The following SNX29 variants were observed in gnomAD, a reference collection of about 807,000 sequenced individuals.
SNX29 encodes the protein sorting nexin 29.
SNX29 carries 78 observed loss-of-function variants against 102.1 expected under a neutral mutation model. That is an observed-to-expected ratio of 0.76 (90% CI 0.64 to 0.92). The LOEUF (loss-of-function observed/expected upper bound fraction) is 0.92. Ranked by LOEUF, SNX29 falls within the 40% of genes least tolerant of loss-of-function variation. The pLI, the probability that SNX29 is intolerant of heterozygous loss-of-function variation, is 0.00. For missense variants in SNX29, 1,280 were observed against 1,061.7 expected (o/e 1.21, Z -2.86); for synonymous variants, 580 against 414.5 (o/e 1.40, Z -4.85).
At chr16:12,277,902 A>C (rs951195306) in intron 14 of SNX29, 31 bp from the exon 15 acceptor site, 3 of 1,562,624 alleles carry the variant, frequency 1.9e-6, no homozygotes, top group African/African-American at 1.4e-5. Context: ...TACTGTTGAA[A>C]TATTTATGAC....
At position 12,555,485 on chromosome 16, in the gene SNX29, C is replaced by T. The variant is rs117203362; in HGVS notation, c.2319-13021C>T. ...AGTTGACATGTCTGAGGACGTCTTT[C>T]GTTGTGGGGAGTCACGCAGGGATTG... On this transcript the variant is annotated intron_variant, in intron 20 of 20. Transcript: ENST00000566228. Among the ~76,000 whole-genome samples, 103 of 151,180 alleles carry T rather than the reference C, an allele frequency of 6.8e-4. 2 individuals are homozygous for T. In the East Asian group the frequency reaches 7.3e-3, roughly 11 times the overall value.
At chr16:12,476,023 A>C (rs1366197045) in intron 18 of SNX29, among the ~76,000 whole-genome samples, 1 of 152,120 alleles carries the variant, frequency 6.6e-6, no homozygotes, top group South Asian at 2.1e-4. Flanking sequence ...GGGCCAGTCA[A>C]GATATATAGG....
chr16:12,571,032 A>AT lies in SNX29; in HGVS notation c.*2404dup, dbSNP rs2041995573. Reference sequence around the variant, plus strand: ...TCGAGTCATCTCGCAGATCCAGACCATCTCCTCTCATTCTCACTCTAAAAA... The same window carrying AT: ...TCGAGTCATCTCGCAGATCCAGACCATTCTCCTCTCATTCTCACTCTAAAAA... On this transcript the variant is annotated 3_prime_UTR_variant, in exon 21 of 21. Transcript: ENST00000566228. 4.3e-6 allele frequency: 1 copy of AT among 232,212 alleles called. No homozygotes were observed. The highest frequency in any genetic ancestry group is 2.2e-5 in the African/African-American group (1 of 45,258). The allele number at this position is 232,212 out of a possible 1,614,324, so 14.4% of individuals were successfully genotyped here.
intron 14 of SNX29, among the ~76,000 whole-genome samples, chr16:12,238,697 T>A (rs572840397): frequency 2.0e-5 from 3 of 152,144 alleles, no homozygotes; most frequent in Non-Finnish European, 2.9e-5. Flanking sequence ...AATAATAGTG[T>A]TACTGGTTCT....
chr16:12,361,979 G>GTTAATAACGAGCATGCA (rs1202279539), intron 16 of SNX29, among the ~76,000 whole-genome samples: 1 of 147,342 alleles, frequency 6.8e-6, no homozygotes, highest in Non-Finnish European at 1.5e-5. Context: ...ACGAGCACAT[G>GTTAATAACGAGCATGCA]CCTATACATG....
chr16:12,211,556 G>A (rs1011955276), intron 14 of SNX29, among the ~76,000 whole-genome samples: 1 of 152,064 alleles, frequency 6.6e-6, no homozygotes, highest in African/African-American at 2.4e-5. Flanking sequence ...GGACCAATAG[G>A]GGTGTGTGTG....
chr16:12,481,542 ACACACACACACAC>A lies in SNX29; in HGVS notation c.2178+3685_2178+3697del, dbSNP rs2087930119. Reference sequence around the variant, plus strand: ...CACACACACACACACACACACACACACACACACACACACCCCAAATGTCACCCTGTCGCCCAGG... The same window carrying A: ...CACACACACACACACACACACACACACCCAAATGTCACCCTGTCGCCCAGG... On this transcript the variant is annotated intron_variant, in intron 19 of 20. Coordinates refer to ENST00000566228, the MANE Select transcript of SNX29 (RefSeq NM_032167.5). Among the ~76,000 whole-genome samples, 3 of 126,400 alleles carry A rather than the reference ACACACACACACAC, an allele frequency of 2.4e-5. No individual in the cohort carries two copies. The South Asian group carries it at 9.2e-4, about 39-fold the overall frequency. 82.9% of individuals were successfully genotyped at this position (126,400 alleles called of 152,430 possible).
At chr16:12,515,410 A>C (rs11641691) in intron 19 of SNX29, 61,646 of 432,630 alleles carry the variant, frequency 0.14, 4,769 homozygotes, top group Middle Eastern at 0.18. Context: ...GCTGAATGAG[A>C]GGATGAATGA....
chr16:12,521,087 G>A (rs1427332396), intron 19 of SNX29, among the ~76,000 whole-genome samples: 1 of 152,170 alleles, frequency 6.6e-6, no homozygotes, highest in Non-Finnish European at 1.5e-5. Flanking sequence ...GGCTGAGGTA[G>A]GAGGACTGCT....
At chr16:12,182,952 A>G (rs956439131) in intron 13 of SNX29, among the ~76,000 whole-genome samples, 6 of 151,700 alleles carry the variant, frequency 4.0e-5, no homozygotes, top group Admixed American at 3.9e-4. Flanking sequence ...AAAAAAAAAA[A>G]AAAAAGGACA....
intron 20 of SNX29, among the ~76,000 whole-genome samples, chr16:12,535,649 C>T (rs564929999): frequency 1.3e-5 from 2 of 152,144 alleles, no homozygotes; most frequent in South Asian, 2.1e-4. Flanking sequence ...ACAGAGCAGT[C>T]TTGAATATCT....
At chr16:12,466,785 G>A (rs753455653) in intron 18 of SNX29, among the ~76,000 whole-genome samples, 21 of 152,200 alleles carry the variant, frequency 1.4e-4, no homozygotes, top group Non-Finnish European at 3.1e-4. Flanking sequence ...GGCTGCCTGG[G>A]CTCTTGGGTC....
intron 18 of SNX29, among the ~76,000 whole-genome samples, chr16:12,418,304 G>C (rs926099207): frequency 3.3e-5 from 5 of 152,156 alleles, no homozygotes; most frequent in African/African-American, 1.2e-4. Context: ...GATCAGGAGA[G>C]AAAACAGTCT....
intron 18 of SNX29, among the ~76,000 whole-genome samples, chr16:12,403,775 C>G (rs1350556408): frequency 1.3e-5 from 2 of 152,224 alleles, no homozygotes; most frequent in African/African-American, 4.8e-5. Context: ...GGAATCTCAG[C>G]TCAGACTGCA....
chr16:12,046,471 C>G lies in SNX29; in HGVS notation c.499+17C>G. On this transcript the variant is annotated intron_variant, in intron 6 of 20. Transcript: ENST00000566228. ...TGGCAGCAGGTAAGCCTGGCCCAGA[C>G]CAGGGTGCAGGGCCTTGTGACACTT... is the stretch of plus-strand genomic sequence containing the variant. The G allele has an allele frequency of 1.9e-6, 3 of 1,613,518 alleles. No homozygotes were observed. Among genetic ancestry groups the G allele is most frequent in the Non-Finnish European group, 2.5e-6 (3 of 1,179,532 alleles).
intron 11 of SNX29, among the ~76,000 whole-genome samples, chr16:12,092,059 C>T (rs2151408339): frequency 6.6e-6 from 1 of 152,290 alleles, no homozygotes; most frequent in South Asian, 2.1e-4. Flanking sequence ...TCTAGAAGAG[C>T]GCAGCACAGG....
chr16:12,204,585 G>C (rs1017579555), intron 14 of SNX29, among the ~76,000 whole-genome samples: 1 of 152,214 alleles, frequency 6.6e-6, no homozygotes, highest in South Asian at 2.1e-4. Context: ...CAGGGAGAGA[G>C]GGAAAAGGAA....
At chr16:11,978,685 C>A (rs2055354908) in intron 1 of SNX29, among the ~76,000 whole-genome samples, 1 of 152,182 alleles carries the variant, frequency 6.6e-6, no homozygotes, top group South Asian at 2.1e-4. Flanking sequence ...GCTCACAGTT[C>A]TGGACCCTTT....
At chr16:12,470,870 T>C (rs1236522157) in intron 18 of SNX29, among the ~76,000 whole-genome samples, 1 of 152,232 alleles carries the variant, frequency 6.6e-6, no homozygotes, top group Admixed American at 6.5e-5. Context: ...CCATTGCTTA[T>C]TGCCTGCCAG....
Sources: allele counts gnomAD v4.1 joint callset (sites outside exome capture counted in the v4.1 genomes callset), GRCh38; gene constraint gnomAD v4.1.1; transcripts MANE v1.5; gene names NCBI Gene and HGNC (gene_info 2026-07-23, HGNC 2026-07-21).